QTMAN: variants seen among roughly 807,000 people sequenced by gnomAD.
QTMAN encodes queuosine-tRNA mannosyltransferase.
chr2:144,306,026 T>A, the QTMAN span, among the ~76,000 whole-genome samples: 2 of 152,240 alleles, frequency 1.3e-5, no homozygotes, highest in Admixed American at 6.5e-5. Context: ...CCCATCTGGA[T>A]GCCTTTATTT....
chr2:144,122,566 A>G, the QTMAN span, among the ~76,000 whole-genome samples: 6 of 152,158 alleles, frequency 3.9e-5, no homozygotes, highest in African/African-American at 7.2e-5. Context: ...CTTTCAGCCT[A>G]AAGTTTTACA....
chr2:144,028,010 G>A, the QTMAN span, among the ~76,000 whole-genome samples: 950 of 151,360 alleles, frequency 6.3e-3, 15 homozygotes, highest in African/African-American at 0.022. Context: ...ACTTCTAACA[G>A]TTTTAAAAAC....
the QTMAN span, among the ~76,000 whole-genome samples, chr2:144,021,253 G>A: frequency 2.6e-5 from 4 of 152,176 alleles, no homozygotes; most frequent in East Asian, 1.9e-4. Context: ...CATGCAAGGA[G>A]TCAGAAAAGT....
chr2:143,960,066 T>C, the QTMAN span, among the ~76,000 whole-genome samples: 1 of 152,142 alleles, frequency 6.6e-6, no homozygotes, highest in Non-Finnish European at 1.5e-5. Flanking sequence ...TCTACATTAA[T>C]AGGTATACTG....
chr2:144,219,770 C>G, the QTMAN span, among the ~76,000 whole-genome samples: 1 of 152,024 alleles, frequency 6.6e-6, no homozygotes, highest in South Asian at 2.1e-4. Context: ...TGCAGTGAGC[C>G]GAAATCATGC....
chr2:143,977,481 C>G, the QTMAN span, among the ~76,000 whole-genome samples: 1 of 152,238 alleles, frequency 6.6e-6, no homozygotes, highest in East Asian at 1.9e-4. Flanking sequence ...AGAAGCACGA[C>G]TCCACAGAGT....
chr2:144,308,349 G>A, the QTMAN span, among the ~76,000 whole-genome samples: 1 of 151,854 alleles, frequency 6.6e-6, no homozygotes, highest in South Asian at 2.1e-4. Flanking sequence ...TGTATTTTTA[G>A]TACAGACGGG....
chr2:143,952,910 G>C, the QTMAN span: 1 of 970,538 alleles, frequency 1.0e-6, no homozygotes. Context: ...CCAGAAAGTG[G>C]TTTTGTTTGC....
the QTMAN span, among the ~76,000 whole-genome samples, chr2:144,299,347 T>G: frequency 2.6e-5 from 4 of 152,246 alleles, no homozygotes; most frequent in Admixed American, 2.6e-4. Context: ...CAAAACCAGC[T>G]TTCTATAATT....
the QTMAN span, among the ~76,000 whole-genome samples, chr2:144,324,298 CTAATT>C: frequency 2.0e-5 from 3 of 152,100 alleles, no homozygotes; most frequent in East Asian, 5.8e-4. Flanking sequence ...AAGATTTTTA[CTAATT>C]TGATTACCTC....
chr2:144,280,473 G>C, the QTMAN span, among the ~76,000 whole-genome samples: 1 of 152,094 alleles, frequency 6.6e-6, no homozygotes, highest in Middle Eastern at 3.4e-3. Context: ...CAGGATTTTG[G>C]GGGTTTTTTT....
At chr2:144,025,307 A>C in the QTMAN span, among the ~76,000 whole-genome samples, 1 of 152,164 alleles carries the variant, frequency 6.6e-6, no homozygotes, top group African/African-American at 2.4e-5. Flanking sequence ...CAGAGCACAG[A>C]ATTCTTGGGA....
chr2:144,252,081 T>C, the QTMAN span, among the ~76,000 whole-genome samples: 2 of 151,714 alleles, frequency 1.3e-5, no homozygotes, highest in Admixed American at 6.6e-5. Context: ...TTAATGGACA[T>C]ATAAGCAGGC....
chr2:144,315,067 A>C, the QTMAN span, among the ~76,000 whole-genome samples: 1 of 151,894 alleles, frequency 6.6e-6, no homozygotes, highest in Non-Finnish European at 1.5e-5. Flanking sequence ...GGTATTTTTA[A>C]TAGAGATGGA....
chr2:144,027,876 G>A, the QTMAN span, among the ~76,000 whole-genome samples: 10 of 152,104 alleles, frequency 6.6e-5, no homozygotes, highest in Non-Finnish European at 1.5e-4. Context: ...ATATCAGCTC[G>A]AGTTCTGGTT....
chr2:144,255,128 T>C, the QTMAN span, among the ~76,000 whole-genome samples: 1 of 152,224 alleles, frequency 6.6e-6, no homozygotes, highest in Non-Finnish European at 1.5e-5. Flanking sequence ...GGTGGACTGT[T>C]GGAAAGGCAT....
At chr2:144,034,108 T>C in the QTMAN span, among the ~76,000 whole-genome samples, 1 of 152,196 alleles carries the variant, frequency 6.6e-6, no homozygotes, top group African/African-American at 2.4e-5. Flanking sequence ...TGAATGGGTG[T>C]AAGTGAGGGA....
chr2:144,142,472 A>G, the QTMAN span, among the ~76,000 whole-genome samples: 11 of 151,790 alleles, frequency 7.2e-5, no homozygotes, highest in Admixed American at 3.9e-4. Flanking sequence ...CCGAGAACAG[A>G]GCATCTGTCA....
At chr2:144,324,372 T>A in the QTMAN span, among the ~76,000 whole-genome samples, 12 of 152,174 alleles carry the variant, frequency 7.9e-5, no homozygotes, top group African/African-American at 2.9e-4. Flanking sequence ...AGATAGTTCA[T>A]TAATTCACAC....
Sources: allele counts gnomAD v4.1 joint callset (sites outside exome capture counted in the v4.1 genomes callset), GRCh38; gene constraint gnomAD v4.1.1; transcripts MANE v1.5; gene names NCBI Gene and HGNC (gene_info 2026-07-23, HGNC 2026-07-21).